CNOT6L: variants seen among roughly 807,000 people sequenced by gnomAD.
CNOT6L encodes CCR4-NOT transcription complex subunit 6 like, also known as CCR4-NOT transcription complex subunit 6-like.
Under a neutral mutation model 64.0 loss-of-function variants are expected in CNOT6L, and 7 were observed. That is an observed-to-expected ratio of 0.11 (90% CI 0.06 to 0.21). CNOT6L has a LOEUF of 0.21. Ranked by LOEUF, CNOT6L falls within the 10% of genes least tolerant of loss-of-function variation. The pLI, the probability that CNOT6L is intolerant of heterozygous loss-of-function variation, is 1.00. For missense variants in CNOT6L, 245 were observed against 669.0 expected (o/e 0.37, Z 6.99); for synonymous variants, 193 against 243.4 (o/e 0.79, Z 1.93).
intron 1 of CNOT6L, among the ~76,000 whole-genome samples, chr4:77,796,800 G>A (rs938004449): frequency 4.4e-4 from 67 of 151,618 alleles, no homozygotes; most frequent in African/African-American, 1.5e-3. Context: ...TGCCAAGGAC[G>A]CCAGGTGTGG....
chr4:77,801,108 A>G (rs1008117007), intron 1 of CNOT6L, among the ~76,000 whole-genome samples: 2 of 152,200 alleles, frequency 1.3e-5, no homozygotes, highest in African/African-American at 2.4e-5. Context: ...AAAGAACAAG[A>G]GAACTTACAA....
intron 1 of CNOT6L, among the ~76,000 whole-genome samples, chr4:77,778,710 G>C (rs953770351): frequency 1.3e-5 from 2 of 151,558 alleles, no homozygotes; most frequent in East Asian, 4.0e-4. Context: ...GATTACAGGC[G>C]TGAGCCACGG....
intron 8 of CNOT6L, chr4:77,731,954 T>C (rs1476029988): frequency 6.4e-6 from 1 of 156,034 alleles, no homozygotes; most frequent in Non-Finnish European, 1.4e-5. Flanking sequence ...TAGAATTTTC[T>C]GGTATTTAAA....
chr4:77,720,673 GA>G, intron 11 of CNOT6L, 30 bp from the exon 12 acceptor site: 1 of 1,606,304 alleles, frequency 6.2e-7, no homozygotes, highest in Admixed American at 1.7e-5. Context: ...AGGAAAAAAA[GA>G]AAAATTCAAG....
chr4:77,782,660 T>A (rs1301531381), intron 1 of CNOT6L, among the ~76,000 whole-genome samples: 5 of 105,818 alleles, frequency 4.7e-5, no homozygotes, highest in South Asian at 2.9e-4. Flanking sequence ...TTTTTTTTTT[T>A]AAAGAGACAG....
intron 1 of CNOT6L, among the ~76,000 whole-genome samples, chr4:77,786,825 G>T (rs1729503588): frequency 1.3e-5 from 2 of 152,094 alleles, no homozygotes; most frequent in African/African-American, 4.8e-5. Flanking sequence ...GCTGTTCACA[G>T]GGGTTGCTGA....
At chr4:77,752,104 T>G (rs760887990) in intron 5 of CNOT6L, among the ~76,000 whole-genome samples, 8 of 151,854 alleles carry the variant, frequency 5.3e-5, no homozygotes, top group Non-Finnish European at 1.0e-4. Flanking sequence ...AGCCCAGGAG[T>G]TGGAGGCTGC....
intron 1 of CNOT6L, among the ~76,000 whole-genome samples, chr4:77,816,604 T>C (rs886179281): frequency 1.3e-5 from 2 of 152,182 alleles, no homozygotes; most frequent in African/African-American, 2.4e-5. Flanking sequence ...GAAATTTTTA[T>C]ATAAAAATAT....
At chr4:77,769,204 T>C (rs532193011) in intron 4 of CNOT6L, among the ~76,000 whole-genome samples, 20 of 152,306 alleles carry the variant, frequency 1.3e-4, no homozygotes, top group African/African-American at 4.6e-4. Flanking sequence ...ATAAAAAGGT[T>C]AGAACACCTT....
At chr4:77,759,196 G>T (rs1324552768) in intron 4 of CNOT6L, among the ~76,000 whole-genome samples, 1 of 151,804 alleles carries the variant, frequency 6.6e-6, no homozygotes, top group African/African-American at 2.4e-5. Flanking sequence ...TATATACAAA[G>T]AAGTTTATGA....
At chr4:77,746,749 A>C (rs1014631796) in intron 6 of CNOT6L, among the ~76,000 whole-genome samples, 12 of 152,228 alleles carry the variant, frequency 7.9e-5, no homozygotes, top group African/African-American at 2.9e-4. Context: ...TTAATTATAC[A>C]CTAGGAAAGG....
chr4:77,717,681 G>A lies in CNOT6L; in HGVS notation c.*2750C>T, dbSNP rs988671166. 5 of 152,444 alleles carry A rather than the reference G, an allele frequency of 3.3e-5. No individual in the cohort carries two copies. Among genetic ancestry groups the A allele is most frequent in the African/African-American group, 1.2e-4 (5 of 41,386 alleles). The allele number at this position is 152,444 out of a possible 1,614,324, so 9.4% of individuals were successfully genotyped here. On this transcript the variant is annotated 3_prime_UTR_variant, in exon 12 of 12. Coordinates refer to ENST00000504123, the MANE Select transcript of CNOT6L (RefSeq NM_144571.3). Reference sequence around the variant, plus strand: ...GCATGCGGTTTAACAAGACAATGCTGAGGAAAGCAGCATTTCTGATCATCT... The same window carrying A: ...GCATGCGGTTTAACAAGACAATGCTAAGGAAAGCAGCATTTCTGATCATCT...
intron 1 of CNOT6L, among the ~76,000 whole-genome samples, chr4:77,785,791 G>C (rs1199783319): frequency 6.6e-6 from 1 of 152,042 alleles, no homozygotes; most frequent in African/African-American, 2.4e-5. Flanking sequence ...CAAAACAAGG[G>C]GGATTAAAAG....
At chr4:77,747,865 A>C (rs1202884017) in intron 6 of CNOT6L, among the ~76,000 whole-genome samples, 1 of 152,206 alleles carries the variant, frequency 6.6e-6, no homozygotes, top group Non-Finnish European at 1.5e-5. Context: ...TTATTCTTCC[A>C]TAAATGTTAT....
chr4:77,767,938 C>T (rs1481124719), intron 4 of CNOT6L, among the ~76,000 whole-genome samples: 1 of 130,368 alleles, frequency 7.7e-6, no homozygotes, highest in African/African-American at 3.3e-5. Context: ...GAGATTTGCA[C>T]CATTGTACTC....
chr4:77,781,115 G>A (rs1042595451), intron 1 of CNOT6L, among the ~76,000 whole-genome samples: 3 of 152,122 alleles, frequency 2.0e-5, no homozygotes, highest in Non-Finnish European at 4.4e-5. Flanking sequence ...TCACTCCTAA[G>A]TGGGAGATGA....
intron 1 of CNOT6L, among the ~76,000 whole-genome samples, chr4:77,780,065 T>C (rs1208345054): frequency 1.3e-5 from 2 of 152,154 alleles, no homozygotes; most frequent in Non-Finnish European, 2.9e-5. Context: ...GCATCAACTT[T>C]CCACCTTGTA....
chr4:77,797,262 C>T (rs766963206), intron 1 of CNOT6L, among the ~76,000 whole-genome samples: 2 of 152,000 alleles, frequency 1.3e-5, no homozygotes, highest in Non-Finnish European at 2.9e-5. Context: ...CAGTAGCCCC[C>T]CATCTCTGTC....
At chr4:77,805,774 C>G (rs1457121504) in intron 1 of CNOT6L, among the ~76,000 whole-genome samples, 3 of 152,122 alleles carry the variant, frequency 2.0e-5, no homozygotes, top group Non-Finnish European at 2.9e-5. Context: ...GATTCACAGC[C>G]TTCTCCAGAC....
Sources: allele counts gnomAD v4.1 joint callset (sites outside exome capture counted in the v4.1 genomes callset), GRCh38; gene constraint gnomAD v4.1.1; transcripts MANE v1.5; gene names NCBI Gene and HGNC (gene_info 2026-07-23, HGNC 2026-07-21).